SPTBN2: variants seen among roughly 807,000 people sequenced by gnomAD.
SPTBN2 encodes the protein spectrin beta chain, non-erythrocytic 2.
A neutral mutation model predicts 284.2 loss-of-function variants in SPTBN2; 107 were observed. That is an observed-to-expected ratio of 0.38 (90% CI 0.32 to 0.44). SPTBN2 has a LOEUF of 0.44. Ranked by LOEUF, SPTBN2 falls within the 20% of genes least tolerant of loss-of-function variation. SPTBN2 has a pLI of 1.00. For missense variants in SPTBN2, 2,569 were observed against 3,287.1 expected (o/e 0.78, Z 5.34); for synonymous variants, 1,289 against 1,354.8 (o/e 0.95, Z 1.07).
Position 66,692,577 on chromosome 11 carries a change from C to G in SPTBN2, c.5149G>C (p.Ala1717Pro). ...TCCTGGCCCAGCTCGTGGGAGGCCGCCACCACCTCGCGCTCCTGGATCCAC... is the reference window on the plus strand; with the variant it reads ...TCCTGGCCCAGCTCGTGGGAGGCCGGCACCACCTCGCGCTCCTGGATCCAC... Reference protein sequence around the residue: ...EQWIQEREVVAASHELGQDYE... With the variant: ...EQWIQEREVVPASHELGQDYE... The change falls in exon 26 of 38, where the codon GCG (alanine) becomes CCG (proline). Residue 1717 changes from alanine to proline, a missense_variant. Transcript: ENST00000533211. 6.2e-7 allele frequency: 1 copy of G among 1,606,192 alleles called. No homozygotes were observed. Among genetic ancestry groups the G allele is most frequent in the South Asian group, 1.1e-5 (1 of 91,076 alleles).
At chr11:66,689,361 AC>A (rs1940379597) in intron 29 of SPTBN2, 181 bp from the exon 30 acceptor site, 1 of 639,948 alleles carries the variant, frequency 1.6e-6, no homozygotes, top group African/African-American at 1.8e-5. Context: ...TGCAACCTCC[AC>A]CTCCCAGGTT....
At position 66,684,223 on chromosome 11, in the gene SPTBN2, C is replaced by T. The variant is rs1022335787; in HGVS notation, c.*1648G>A. On this transcript the variant is annotated 3_prime_UTR_variant, in exon 38 of 38. Coordinates refer to ENST00000533211, the MANE Select transcript of SPTBN2 (RefSeq NM_006946.4). The stretch of plus-strand genomic sequence containing the variant: ...ACACGCTTTTCCTGTTGGAGGCCAC[C>T]AAGGAGTGCCCACTTCCATCAACAT... Among the ~76,000 whole-genome samples, 1 of 152,168 alleles carries T rather than the reference C, an allele frequency of 6.6e-6. No homozygotes were observed. The highest frequency in any genetic ancestry group is 6.5e-5 in the Admixed American group (1 of 15,276).
intron 1 of SPTBN2, among the ~76,000 whole-genome samples, chr11:66,741,611 G>A (rs1334568346): frequency 6.6e-6 from 1 of 152,140 alleles, no homozygotes; most frequent in Non-Finnish European, 1.5e-5. Flanking sequence ...ATGAGACCTG[G>A]AAGGCCAGGG....
intron 8 of SPTBN2, among the ~76,000 whole-genome samples, chr11:66,712,127 G>A (rs910487076): frequency 1.1e-4 from 17 of 152,204 alleles, no homozygotes; most frequent in African/African-American, 4.1e-4. Flanking sequence ...CGGAGGACCT[G>A]GGCAAGTTGC....
At position 66,721,370 on chromosome 11, in the gene SPTBN2, G is replaced by T; in HGVS notation, c.-43C>A. The T allele has an allele frequency of 7.6e-7, 1 of 1,315,986 alleles. No homozygotes were observed. The highest frequency in any genetic ancestry group is 1.1e-6 in the Non-Finnish European group (1 of 921,678). The allele number at this position is 1,315,986 out of a possible 1,614,324, so 81.5% of individuals were successfully genotyped here. On this transcript the variant is annotated 5_prime_UTR_variant, in exon 2 of 38. Transcript: ENST00000533211. ...CCTACCTGTGCTCCGCTCTCCTTGTGGCCAGAGGCTGCGGTTGGCTGCTCA... is the reference window on the plus strand; with the variant it reads ...CCTACCTGTGCTCCGCTCTCCTTGTTGCCAGAGGCTGCGGTTGGCTGCTCA...
At position 66,699,551 on chromosome 11, in the gene SPTBN2, T is replaced by C. The variant is rs1302772053; in HGVS notation, c.3631A>G (p.Ile1211Val). 1 of 1,614,198 alleles carries C rather than the reference T, an allele frequency of 6.2e-7. No homozygotes were observed. Among genetic ancestry groups the C allele is most frequent in the Non-Finnish European group, 8.5e-7 (1 of 1,180,044 alleles). ...PGTLQAADAA[I>V]KKLEDFMSTM... is the part of the protein sequence containing the mutation. ...CTCATGAAGTCCTCCAGTTTTTTAA[T>C]GGCAGCATCAGCAGCCTGGAGTGTC... The change falls in exon 18 of 38, where the codon ATT (isoleucine) becomes GTT (valine). Residue 1211 changes from isoleucine (I) to valine (V), a missense_variant. Around this residue, in one of 6 missense-constraint regions of SPTBN2, gnomAD observed 1,012 missense variants for 1,248.9 expected, o/e 0.81. Transcript: ENST00000533211.
chr11:66,690,128 T>C lies in SPTBN2; in HGVS notation c.5721A>G (p.Thr1907=). ...CAGCCTTGAAGAAGCGGAACTTGTC[T>C]GTGGTGTCCAGCAGCAGCTGCCGGC... The part of the protein sequence containing the change: ...AARRQLLLDT[T]DKFRFFKAVR... The change falls in exon 28 of 38, where the codon ACA becomes ACG. Residue 1907 remains threonine (T), a synonymous_variant. Transcript: ENST00000533211. 2 of 1,614,238 alleles carry C rather than the reference T, an allele frequency of 1.2e-6. No homozygotes were observed. Among genetic ancestry groups the C allele is most frequent in the Non-Finnish European group, 1.7e-6 (2 of 1,180,032 alleles).
At chr11:66,694,475 T>C in intron 21 of SPTBN2, 112 bp from the exon 22 acceptor site, 1 of 1,095,378 alleles carries the variant, frequency 9.1e-7, no homozygotes, top group Non-Finnish European at 1.3e-6. Flanking sequence ...TCACTGCAGC[T>C]CACCCAGGGA....
rs549918589 is a variant in SPTBN2 at position 66,700,987 on chromosome 11, C to T, written c.3112G>A (p.Ala1038Thr). ...CCGGTCTGCACCTCTCTCAGCCGGG[C>T]GTTGATGGCCACTGCCTGAGCGGGA... ...GHPAQAVAIN[A>T]RLREVQTGWE... The change falls in exon 17 of 38, where the codon GCC becomes ACC. Residue 1038 changes from alanine to threonine, a missense_variant. Ala to Thr is a moderately conservative substitution (Grantham distance 58, BLOSUM62 0). This residue lies in a region of SPTBN2 where 1,012 missense variants were observed against 1,248.9 expected (regional missense o/e 0.81). Transcript: ENST00000533211. This position sits in a 1 kb window ranked among gnomAD's most constrained non-coding sequence, Gnocchi z 6.6. The T allele has an allele frequency of 1.3e-5, 21 of 1,607,226 alleles. No individual in the cohort carries two copies. Among genetic ancestry groups the T allele is most frequent in the African/African-American group, 1.1e-4 (8 of 75,064 alleles).
intron 30 of SPTBN2, 28 bp from the exon 31 acceptor site, chr11:66,688,877 T>G (rs776277926): frequency 9.9e-6 from 16 of 1,608,060 alleles, no homozygotes; most frequent in Non-Finnish European, 8.5e-7. Context: ...TGCAGGAAGA[T>G]GGTGGGTCAG....
intron 7 of SPTBN2, 151 bp downstream of exon 7, chr11:66,713,940 G>T: frequency 1.1e-6 from 1 of 913,076 alleles, no homozygotes; most frequent in Non-Finnish European, 1.8e-6. Flanking sequence ...GCTCTGCGCA[G>T]CCCTGCACCC....
chr11:66,722,033 A>G (rs1480576841), intron 1 of SPTBN2, among the ~76,000 whole-genome samples: 2 of 152,080 alleles, frequency 1.3e-5, no homozygotes, highest in Non-Finnish European at 2.9e-5. Flanking sequence ...CTCTTGAGTT[A>G]AGAAAAAGTT....
chr11:66,706,375 G>C (rs1038270279), intron 13 of SPTBN2, among the ~76,000 whole-genome samples: 1 of 152,190 alleles, frequency 6.6e-6, no homozygotes. Flanking sequence ...CTGTAGTGCA[G>C]GCTGGAGTGC....
Position 66,693,435 on chromosome 11 carries a change from T to C in SPTBN2, c.4605A>G (p.Lys1535=), listed in dbSNP as rs1255573788. 2 of 1,599,004 alleles carry C rather than the reference T, an allele frequency of 1.3e-6. No homozygotes were observed. Among genetic ancestry groups the C allele is most frequent in the South Asian group, 1.1e-5 (1 of 91,032 alleles). The change falls in exon 24 of 38, where the codon AAA becomes AAG. Residue 1535 remains lysine, a synonymous_variant. Coordinates refer to ENST00000533211, the MANE Select transcript of SPTBN2 (RefSeq NM_006946.4). The surrounding 1 kb of genome is among the most constrained non-coding windows in gnomAD (Gnocchi z 5.7). The stretch of plus-strand genomic sequence containing the variant: ...TCCGGGGCTCATGGCCCTGAATCTC[T>C]TTCTGCAGGGTCTGCCCATGGCCAC... ...LLMKKNQTLQ[K]EIQGHEPRIA...
intron 1 of SPTBN2, among the ~76,000 whole-genome samples, chr11:66,737,553 C>T (rs571077647): frequency 6.6e-5 from 10 of 152,266 alleles, no homozygotes; most frequent in Middle Eastern, 3.4e-3. Flanking sequence ...AGGGAGTAGA[C>T]TTTAGCTTGA....
Position 66,686,643 on chromosome 11 carries a change from G to A in SPTBN2, c.6897-203C>T, listed in dbSNP as rs575989136. 19 of 673,896 alleles carry A rather than the reference G, an allele frequency of 2.8e-5. No individual in the cohort carries two copies. The East Asian group carries it at 4.1e-4, about 14-fold the overall frequency. 41.7% of individuals were successfully genotyped at this position (673,896 alleles called of 1,614,324 possible). On this transcript the variant is annotated intron_variant, in intron 36 of 37. Transcript: ENST00000533211. ...CTTTCTGACTGGCCCCAGAGGCAGG[G>A]GGAGCTCACTTCCACCCCAGCCCGG...
rs752508807 is a variant in SPTBN2, at chr11:66,710,796, C to G, written c.886-27G>C. 2 of 1,613,012 alleles carry G rather than the reference C, an allele frequency of 1.2e-6. No individual in the cohort carries two copies. Among genetic ancestry groups the G allele is most frequent in the Non-Finnish European group, 1.7e-6 (2 of 1,179,862 alleles). ...TGGGAGGCAGAAGACAGGGACGTGA[C>G]AGTCCCAGCCACAGGGTCCCTGGCC... is the stretch of plus-strand genomic sequence containing the variant. On this transcript the variant is annotated intron_variant, in intron 9 of 37. Coordinates refer to ENST00000533211, the MANE Select transcript of SPTBN2 (RefSeq NM_006946.4). The surrounding 1 kb of genome is among the most constrained non-coding windows in gnomAD (Gnocchi z 4.9).
At chr11:66,695,033 C>G (rs1306086071) in intron 21 of SPTBN2, among the ~76,000 whole-genome samples, 1 of 152,238 alleles carries the variant, frequency 6.6e-6, no homozygotes, top group African/African-American at 2.4e-5. Context: ...CAGACATGCT[C>G]TGGCCTGTGA....
upstream of SPTBN2, among the ~76,000 whole-genome samples, chr11:66,732,118 T>G (rs1311877200): frequency 1.3e-5 from 2 of 152,210 alleles, no homozygotes; most frequent in African/African-American, 4.8e-5. Context: ...TTCTAATACT[T>G]TACACATAAC....
Sources: gnomAD v4.1 joint callset for allele counts (sites outside exome capture counted in the v4.1 genomes callset) on GRCh38, gnomAD v4.1.1 for gene constraint, gnomAD v4.1.1 regional missense constraint, Gnocchi (gnomAD v3.1) non-coding constraint, MANE v1.5 for transcripts, NCBI Gene and HGNC (gene_info 2026-07-23, HGNC 2026-07-21) for gene names.